Variants in ZNF385D observed in about 807,000 individuals in gnomAD.
ZNF385D encodes zinc finger protein 385D, also known as zinc finger protein 659.
Under a neutral mutation model 35.8 loss-of-function variants are expected in ZNF385D, and 15 were observed. That is an observed-to-expected ratio of 0.42 (90% confidence interval 0.28 to 0.64). The LOEUF (loss-of-function observed/expected upper bound fraction) is 0.64, where lower values mean the gene tolerates loss of function less well. Ranked by LOEUF, ZNF385D falls within the 30% of genes least tolerant of loss-of-function variation. The pLI is 0.23. For synonymous variants in ZNF385D, 212 were observed against 186.8 expected, an observed-to-expected ratio of 1.13 and a Z score of -1.10; for missense variants, 474 against 494.6, an observed-to-expected ratio of 0.96 and a Z score of 0.39.
chr3:21,480,908 T>C (rs764245597), intron 4 of ZNF385D, among the ~76,000 whole-genome samples: 7 of 152,240 alleles, frequency 4.6e-5, no homozygotes, highest in Non-Finnish European at 7.3e-5. Flanking sequence ...ATTTGTTACA[T>C]AAATCATTGA....
chr3:22,157,812 A>G (rs892797827), intron 3 of ZNF385D, among the ~76,000 whole-genome samples: 3 of 152,152 alleles, frequency 2.0e-5, no homozygotes, highest in East Asian at 3.9e-4. Flanking sequence ...TGACTTGTTC[A>G]TATCTTTGAT....
chr3:22,217,958 G>A (rs568359723), intron 2 of ZNF385D, among the ~76,000 whole-genome samples: 121 of 152,184 alleles, frequency 8.0e-4, no homozygotes, highest in Middle Eastern at 6.8e-3. Flanking sequence ...CAAATTCACC[G>A]TCCTTTTATG....
intron 1 of ZNF385D, among the ~76,000 whole-genome samples, chr3:21,701,365 A>T (rs533542239): frequency 6.6e-6 from 1 of 152,258 alleles, no homozygotes; most frequent in East Asian, 1.9e-4. Flanking sequence ...ATCTCGTGAG[A>T]CTTATTCACC....
At chr3:22,206,993 C>G (rs1473297803) in intron 2 of ZNF385D, among the ~76,000 whole-genome samples, 3 of 151,534 alleles carry the variant, frequency 2.0e-5, no homozygotes, top group Admixed American at 6.6e-5. Context: ...ATAAACAAAA[C>G]TGACAAATCT....
At chr3:21,836,666 G>A (rs1037484941) in intron 3 of ZNF385D, among the ~76,000 whole-genome samples, 19 of 152,064 alleles carry the variant, frequency 1.2e-4, no homozygotes, top group African/African-American at 4.3e-4. Flanking sequence ...GTATGTAAAC[G>A]AAGGAGCACA....
At chr3:21,964,032 GC>G (rs1284344806) in intron 3 of ZNF385D, among the ~76,000 whole-genome samples, 1 of 151,992 alleles carries the variant, frequency 6.6e-6, no homozygotes, top group Non-Finnish European at 1.5e-5. Flanking sequence ...TTAATTGCGG[GC>G]AAAGTATTCT....
chr3:22,029,117 G>A (rs377187071), intron 3 of ZNF385D, among the ~76,000 whole-genome samples: 1 of 152,114 alleles, frequency 6.6e-6, no homozygotes, highest in Admixed American at 6.5e-5. Flanking sequence ...GCTGCCACCA[G>A]GAGACACAAC....
intron 3 of ZNF385D, among the ~76,000 whole-genome samples, chr3:22,072,354 G>A (rs1416549198): frequency 1.3e-5 from 2 of 151,698 alleles, no homozygotes; most frequent in Non-Finnish European, 2.9e-5. Flanking sequence ...AAAAAAAAAT[G>A]TAACCATATT....
chr3:22,034,980 T>C (rs548261624), intron 3 of ZNF385D, among the ~76,000 whole-genome samples: 1 of 152,310 alleles, frequency 6.6e-6, no homozygotes, highest in African/African-American at 2.4e-5. Flanking sequence ...GAAAAATTTA[T>C]AAAATGGTAC....
chr3:22,022,235 G>A (rs1335962095), intron 3 of ZNF385D, among the ~76,000 whole-genome samples: 1 of 152,020 alleles, frequency 6.6e-6, no homozygotes, highest in Non-Finnish European at 1.5e-5. Flanking sequence ...AAGTTAACTG[G>A]CACATGGTTA....
chr3:22,238,207 G>T (rs1211909168), intron 2 of ZNF385D, among the ~76,000 whole-genome samples: 2 of 151,006 alleles, frequency 1.3e-5, no homozygotes, highest in African/African-American at 4.9e-5. Context: ...GATTTCTGTG[G>T]CTTGTAGTAA....
At chr3:22,148,210 A>T (rs1364086380) in intron 3 of ZNF385D, among the ~76,000 whole-genome samples, 2 of 152,180 alleles carry the variant, frequency 1.3e-5, no homozygotes, top group African/African-American at 4.8e-5. Flanking sequence ...GCCATGCATG[A>T]TGGAGTGGTC....
chr3:21,783,611 A>G (rs929463734), intron 3 of ZNF385D, among the ~76,000 whole-genome samples: 1 of 152,136 alleles, frequency 6.6e-6, no homozygotes, highest in African/African-American at 2.4e-5. Context: ...GAGCCCATTC[A>G]GTCTCATTGC....
At chr3:22,245,296 C>G (rs1164835344) in intron 2 of ZNF385D, among the ~76,000 whole-genome samples, 1 of 151,954 alleles carries the variant, frequency 6.6e-6, no homozygotes, top group Non-Finnish European at 1.5e-5. Context: ...CCATTCTGAC[C>G]TCAGCATTCC....
At chr3:21,772,495 G>C (rs532674285) in intron 3 of ZNF385D, among the ~76,000 whole-genome samples, 1 of 151,994 alleles carries the variant, frequency 6.6e-6, no homozygotes, top group South Asian at 2.1e-4. Context: ...ACAAACATTA[G>C]AGAAATGCAC....
intron 2 of ZNF385D, among the ~76,000 whole-genome samples, chr3:22,252,605 C>A (rs1700118896): frequency 6.6e-6 from 1 of 152,004 alleles, no homozygotes; most frequent in Admixed American, 6.6e-5. Context: ...TACCATGTAT[C>A]ATCTCATTTG....
Position 21,415,613 on chromosome 3 carries a change from G to A in ZNF385D, c.*5601C>T, listed in dbSNP as rs1370071163. On this transcript the variant is annotated 3_prime_UTR_variant, in exon 8 of 8. Coordinates refer to ENST00000281523, the MANE Select transcript of ZNF385D (RefSeq NM_024697.3). ...ATTCTGTATGTGTGTGCGTATATAA[G>A]CATTAACCTTAGAACTCGTCACTAT... 2 of 152,004 alleles carry A rather than the reference G, an allele frequency of 1.3e-5. No individual in the cohort carries two copies. Among genetic ancestry groups the A allele is most frequent in the African/African-American group, 4.8e-5 (2 of 41,370 alleles). 9.4% of individuals were successfully genotyped at this position (152,004 alleles called of 1,614,324 possible). A position where few individuals can be genotyped will look rare whatever the true frequency, so the allele number is the denominator to read the frequency against.
At chr3:21,848,004 C>G (rs895741055) in intron 3 of ZNF385D, among the ~76,000 whole-genome samples, 1 of 151,968 alleles carries the variant, frequency 6.6e-6, no homozygotes, top group African/African-American at 2.4e-5. Context: ...TTCTCAGCCT[C>G]TGGTGACTAA....
At chr3:21,430,109 C>T (rs1701225738) in intron 5 of ZNF385D, among the ~76,000 whole-genome samples, 1 of 151,562 alleles carries the variant, frequency 6.6e-6, no homozygotes. Flanking sequence ...TGTTGACCTC[C>T]TATATAGTAG....
Sources: gnomAD v4.1 joint callset for allele counts (sites outside exome capture counted in the v4.1 genomes callset) on GRCh38, gnomAD v4.1.1 for gene constraint, MANE v1.5 for transcripts, NCBI Gene and HGNC (gene_info 2026-07-23, HGNC 2026-07-21) for gene names.